SORL1: variants seen among roughly 807,000 people sequenced by gnomAD.
SORL1 encodes sortilin related receptor 1, also known as sortilin-related receptor.
SORL1 carries 127 observed loss-of-function variants against 273.7 expected under a neutral mutation model. That is an observed-to-expected ratio of 0.46 (90% CI 0.40 to 0.54). The LOEUF (loss-of-function observed/expected upper bound fraction) is 0.54, where lower values mean the gene tolerates loss of function less well. Among genes scored for constraint, SORL1 ranks in the 20% least tolerant of loss-of-function variants. The probability of loss-of-function intolerance (pLI) is 0.00; values close to 1 mark genes in which losing one functional copy is unlikely to be tolerated. For synonymous variants in SORL1, 1,031 were observed against 1,067.4 expected (o/e 0.97, Z 0.66); for missense variants, 2,494 against 2,846.1 (o/e 0.88, Z 2.81).
At chr11:121,483,075 C>T (rs769528408) in intron 3 of SORL1, among the ~76,000 whole-genome samples, 12 of 152,166 alleles carry the variant, frequency 7.9e-5, no homozygotes, top group Non-Finnish European at 1.3e-4. Context: ...ATATGTTTGG[C>T]GCTGTTATTT....
At chr11:121,495,440 G>A (rs547797227) in intron 5 of SORL1, among the ~76,000 whole-genome samples, 3 of 152,094 alleles carry the variant, frequency 2.0e-5, no homozygotes, top group South Asian at 2.1e-4. Context: ...TTTTTGGGAG[G>A]GGTGGGGGGA....
rs1249224065 is a variant in SORL1 at position 121,514,245 on chromosome 11, G to A, written c.1135G>A (p.Gly379Arg). Residue 379 changes from glycine (G) to arginine (R), a missense_variant, in exon 8 of 48, where the codon GGG becomes AGG. Physicochemically the swap from Gly to Arg is moderately radical, Grantham distance 125. Coordinates refer to ENST00000260197, the MANE Select transcript of SORL1 (RefSeq NM_003105.6). ...RTNLYISEAE[G>R]LKFSLSLENV... ...CAATTTATACATCTCAGAGGCAGAG[G>A]GGCTGAAGTTCTCCCTGTCCTTGGA... is the stretch of plus-strand genomic sequence containing the variant. 6.2e-7 allele frequency: 1 copy of A among 1,614,060 alleles called. No individual in the cohort carries two copies. The highest frequency in any genetic ancestry group is 8.5e-7 in the Non-Finnish European group (1 of 1,180,034).
chr11:121,604,387 GC>G, intron 33 of SORL1, 63 bp downstream of exon 33: 1 of 1,588,484 alleles, frequency 6.3e-7, no homozygotes. Context: ...TTACCCCAGG[GC>G]CCCTCCTGTG....
In SORL1 at chr11:121,502,124, C is replaced by CTTTTTTTTTTTT. The variant is rs57842880; in HGVS notation, c.939+5093_939+5104dup. Among the ~76,000 whole-genome samples the CTTTTTTTTTTTT allele has an allele frequency of 6.6e-4, 43 of 65,176 alleles. 13 individuals carry two copies. Among genetic ancestry groups the CTTTTTTTTTTTT allele is most frequent in the East Asian group, 1.4e-3 (3 of 2,150 alleles). 42.8% of individuals were successfully genotyped at this position (65,176 alleles called of 152,430 possible). A position where few individuals can be genotyped will look rare whatever the true frequency, so the allele number is the denominator to read the frequency against. ...GTAACTACTGGGTCATGTGACAATT[C>CTTTTTTTTTTTT]TTTTTTTTTTTTTTTTTTTTTTTTT... On this transcript the variant is annotated intron_variant, in intron 6 of 47. Coordinates refer to ENST00000260197, the MANE Select transcript of SORL1 (RefSeq NM_003105.6).
Position 121,619,842 on chromosome 11 carries a change from G to T in SORL1, c.5814G>T (p.Leu1938=). 1 of 1,614,056 alleles carries T rather than the reference G, an allele frequency of 6.2e-7. No individual in the cohort carries two copies. The highest frequency in any genetic ancestry group is 8.5e-7 in the Non-Finnish European group (1 of 1,179,900). The part of the protein sequence containing the change: ...IPDSRLPPRH[L]HVVHTGKTSV... Reference sequence around the variant, plus strand: ...ACAGCAGGCTTCCACCCCGTCACCTGCATGTGGTTCATACGGGCAAAACCT... The same window carrying T: ...ACAGCAGGCTTCCACCCCGTCACCTTCATGTGGTTCATACGGGCAAAACCT... Residue 1938 remains leucine, a synonymous_variant, in exon 43 of 48, where the codon CTG becomes CTT. Transcript: ENST00000260197.
intron 3 of SORL1, among the ~76,000 whole-genome samples, chr11:121,480,665 T>C (rs1004656171): frequency 6.8e-6 from 1 of 146,392 alleles, no homozygotes; most frequent in African/African-American, 2.5e-5. Flanking sequence ...CCTCCCCAGC[T>C]TCTCCCCTAG....
intron 22 of SORL1, 27 bp downstream of exon 22, chr11:121,567,140 T>A (rs1311268697): frequency 6.3e-7 from 1 of 1,585,400 alleles, no homozygotes; most frequent in East Asian, 2.2e-5. Context: ...TTTTTGCCTG[T>A]CATCCTCCTT....
chr11:121,578,050 T>C (rs920442083), intron 25 of SORL1, among the ~76,000 whole-genome samples: 2 of 152,142 alleles, frequency 1.3e-5, no homozygotes, highest in Admixed American at 6.5e-5. Flanking sequence ...CAAATTCCAT[T>C]TTATAATCAT....
intron 3 of SORL1, among the ~76,000 whole-genome samples, chr11:121,482,340 T>G (rs1319802746): frequency 6.6e-6 from 1 of 152,130 alleles, no homozygotes; most frequent in Non-Finnish European, 1.5e-5. Context: ...CCGAGTGGTG[T>G]GTCTTAGATT....
At chr11:121,516,046 A>T (rs74457282) in intron 8 of SORL1, among the ~76,000 whole-genome samples, 1 of 152,270 alleles carries the variant, frequency 6.6e-6, no homozygotes, top group African/African-American at 2.4e-5. Context: ...TGTGAATTGC[A>T]TTATATAATG....
chr11:121,618,744 A>G (rs1196112309), intron 41 of SORL1, 30 bp from the exon 42 acceptor site: 9 of 1,613,586 alleles, frequency 5.6e-6, no homozygotes, highest in Non-Finnish European at 7.6e-6. Flanking sequence ...CCATGAGCTG[A>G]TGTCCTCTTC....
chr11:121,589,159 A>G (rs1863168182), intron 28 of SORL1, 100 bp from the exon 29 acceptor site: 1 of 1,363,226 alleles, frequency 7.3e-7, no homozygotes, highest in East Asian at 2.3e-5. Flanking sequence ...GTCCTTTGCC[A>G]GAACTCACTG....
At chr11:121,548,361 A>G (rs1224640843) in intron 14 of SORL1, among the ~76,000 whole-genome samples, 1 of 152,232 alleles carries the variant, frequency 6.6e-6, no homozygotes, top group Non-Finnish European at 1.5e-5. Flanking sequence ...TCTGGTTCCT[A>G]AAAAGATTTA....
intron 11 of SORL1, among the ~76,000 whole-genome samples, chr11:121,527,394 T>C (rs1862139626): frequency 6.6e-6 from 1 of 152,178 alleles, no homozygotes; most frequent in Non-Finnish European, 1.5e-5. Flanking sequence ...CTAGGTTTGA[T>C]TTGCTAATAT....
At chr11:121,604,367 G>GGAGGCTCGCTTACCCC in intron 33 of SORL1, 43 bp downstream of exon 33, 1 of 1,603,246 alleles carries the variant, frequency 6.2e-7, no homozygotes, top group Non-Finnish European at 8.5e-7. Flanking sequence ...GGCTGGGCTG[G>GGAGGCTCGCTTACCCC]GAGGCTCGCT....
At chr11:121,590,715 C>G (rs1254810859) in intron 30 of SORL1, 3 of 665,712 alleles carry the variant, frequency 4.5e-6, no homozygotes, top group African/African-American at 3.6e-5. Context: ...CCTCAGCCAC[C>G]TGTTTCTTTC....
chr11:121,625,460 C>T (rs1015734247), intron 46 of SORL1, among the ~76,000 whole-genome samples, 183 bp downstream of exon 46: 51 of 152,114 alleles, frequency 3.4e-4, no homozygotes, highest in African/African-American at 1.2e-3. Flanking sequence ...CTGAGCTGAA[C>T]ATGGTACAGG....
intron 24 of SORL1, chr11:121,576,931 G>GCT: frequency 6.5e-7 from 1 of 1,535,290 alleles, no homozygotes; most frequent in South Asian, 1.2e-5. Context: ...TCTACTTCCT[G>GCT]GCCTCCTCTA....
At chr11:121,500,042 C>T (rs903945341) in intron 6 of SORL1, among the ~76,000 whole-genome samples, 1 of 152,124 alleles carries the variant, frequency 6.6e-6, no homozygotes, top group Non-Finnish European at 1.5e-5. Flanking sequence ...TATTTTTTGC[C>T]CTTAAGTTGC....
Sources: gnomAD v4.1 joint callset for allele counts (sites outside exome capture counted in the v4.1 genomes callset) on GRCh38, gnomAD v4.1.1 for gene constraint, MANE v1.5 for transcripts, NCBI Gene and HGNC (gene_info 2026-07-23, HGNC 2026-07-21) for gene names.